The following CFAP65 variants were observed in gnomAD, a reference collection of about 807,000 sequenced individuals.
The protein encoded by CFAP65 is cilia and flagella associated protein 65.
A neutral mutation model predicts 208.0 loss-of-function variants in CFAP65; 155 were observed. The observed-to-expected ratio is 0.75, with a 90% CI of 0.65 to 0.85. The LOEUF (loss-of-function observed/expected upper bound fraction) is 0.85. Ranked by LOEUF, CFAP65 falls within the 40% of genes least tolerant of loss-of-function variation. The pLI, the probability that CFAP65 is intolerant of heterozygous loss-of-function variation, is 0.00. For missense variants in CFAP65, 2,294 were observed against 2,451.3 expected, an observed-to-expected ratio of 0.94 and a Z score of 1.36; for synonymous variants, 970 against 986.3, an observed-to-expected ratio of 0.98 and a Z score of 0.31.
In CFAP65 at chr2:219,029,390, C is replaced by T. The variant is rs1443015071; in HGVS notation, c.1650+13G>A. The T allele has an allele frequency of 2.5e-6, 4 of 1,608,664 alleles. No homozygotes were observed. The highest frequency in any genetic ancestry group is 2.7e-5 in the African/African-American group (2 of 74,848). ...CCCTCCTCCCTCAGCCTCATGCCCT[C>T]CCCACGACTCACCTGGTGGTGGATG... On this transcript the variant is annotated intron_variant, in intron 11 of 34. Coordinates refer to ENST00000341552, the MANE Select transcript of CFAP65 (RefSeq NM_194302.4).
Position 219,030,141 on chromosome 2 carries a change from G to T in CFAP65, c.1229C>A (p.Pro410His), listed in dbSNP as rs1487644078. 1 of 1,613,996 alleles carries T rather than the reference G, an allele frequency of 6.2e-7. No homozygotes were observed. Among genetic ancestry groups the T allele is most frequent in the Admixed American group, 1.7e-5 (1 of 60,008 alleles). ...ELAEDQAFSC[P>H]TAHGIVLPGE... ...CGGAAGCACGATGCCATGGGCCGTG[G>T]GGCATGAGAAGGCCTGGTCTTCGGC... is the stretch of plus-strand genomic sequence containing the variant. Residue 410 changes from proline to histidine, a missense_variant, in exon 10 of 35, where the codon CCC becomes CAC. Transcript: ENST00000341552.
At chr2:219,013,210 G>T in intron 24 of CFAP65, 49 bp downstream of exon 24, 1 of 1,263,688 alleles carries the variant, frequency 7.9e-7, no homozygotes, top group Non-Finnish European at 1.1e-6. Context: ...CATACCTAGA[G>T]ATCAACACTT....
chr2:219,014,074 A>G (rs778041511), intron 21 of CFAP65, 30 bp from the exon 22 acceptor site: 13 of 1,572,730 alleles, frequency 8.3e-6, no homozygotes, highest in Non-Finnish European at 1.0e-5. Flanking sequence ...CCATACAAAG[A>G]AACTGGTCAG....
chr2:219,038,296 C>T, intron 4 of CFAP65, 79 bp downstream of exon 4: 2 of 1,387,766 alleles, frequency 1.4e-6, no homozygotes, highest in Non-Finnish European at 1.0e-6. Context: ...TCTCAAGATT[C>T]CCACCCCACT....
At position 219,003,953 on chromosome 2, in the gene CFAP65, TTC is replaced by T. The variant is rs1408724462; in HGVS notation, c.5552_5553del (p.Arg1851LysfsTer98). 1 of 1,609,536 alleles carries T rather than the reference TTC, an allele frequency of 6.2e-7. No individual in the cohort carries two copies. ...EQEQDEKEAI[R>X]RLPAFANLQE... ...CCTCACTGGGGCCTGGCTGCTCACCTTCTGATGGCCTCCTTCTCGTCCTGTTC... is the reference window on the plus strand; with the variant it reads ...CCTCACTGGGGCCTGGCTGCTCACCTTGATGGCCTCCTTCTCGTCCTGTTC... On this transcript the variant is annotated frameshift_variant and splice_region_variant, in exon 33 of 35. Transcript: ENST00000341552. LOFTEE classifies it high-confidence loss of function. The surrounding 1 kb of genome is among the most constrained non-coding windows in gnomAD (Gnocchi z 4.4).
intron 5 of CFAP65, chr2:219,033,789 G>A (rs1273359423): frequency 6.6e-6 from 1 of 151,904 alleles, no homozygotes; most frequent in Non-Finnish European, 1.5e-5. Flanking sequence ...ATTTAACAAT[G>A]CAGTAAGGAA....
In CFAP65 at chr2:219,004,882, C is replaced by CTT. The variant is rs1265829123; in HGVS notation, c.5052-429_5052-428dup. 5.9e-5 allele frequency among the ~76,000 whole-genome samples: 8 copies of CTT among 134,498 alleles called. No homozygotes were observed. Among genetic ancestry groups the CTT allele is most frequent in the African/African-American group, 2.4e-4 (6 of 25,242 alleles). 88.2% of individuals were successfully genotyped at this position (134,498 alleles called of 152,430 possible). On this transcript the variant is annotated intron_variant, in intron 32 of 34. Transcript: ENST00000341552. This position sits in a 1 kb window ranked among gnomAD's most constrained non-coding sequence, Gnocchi z 4.7. ...GCAAAGAAGTTCTGTTTCTTTTTTT[C>CTT]TTTTCTCTCTCTCTCTATTTCTCTC...
At position 219,028,260 on chromosome 2, in the gene CFAP65, T is replaced by G; in HGVS notation, c.1792A>C (p.Met598Leu). ...TGTGCCAGCTTCTTCTCCTTCAGCA[T>G]GGCATCCAGGATGTCAGGGGGGTAG... The part of the protein sequence containing the change: ...TLYPPDILDA[M>L]LKEKKLAQDQ... The change falls in exon 12 of 35, where the codon ATG becomes CTG. Residue 598 changes from methionine (M) to leucine (L), a missense_variant. This residue lies in a region of CFAP65 where 867 missense variants were observed against 1,012.6 expected (regional missense o/e 0.86). Coordinates refer to ENST00000341552, the MANE Select transcript of CFAP65 (RefSeq NM_194302.4). 6.2e-7 allele frequency: 1 copy of G among 1,614,070 alleles called. No homozygotes were observed. The highest frequency in any genetic ancestry group is 8.5e-7 in the Non-Finnish European group (1 of 1,179,990).
intron 13 of CFAP65, chr2:219,026,678 A>C: frequency 5.9e-6 from 3 of 509,604 alleles, no homozygotes; most frequent in Non-Finnish European, 7.6e-6. Flanking sequence ...TCCAGGGTGC[A>C]TTTTACACTC....
At chr2:219,013,770 G>C in intron 22 of CFAP65, 98 bp downstream of exon 22, 2 of 1,256,614 alleles carry the variant, frequency 1.6e-6, no homozygotes, top group Non-Finnish European at 2.3e-6. Context: ...TCCTCCCAGG[G>C]AATGGCCATT....
chr2:219,028,063 GC>G, intron 12 of CFAP65, 54 bp from the exon 13 acceptor site: 1 of 1,522,628 alleles, frequency 6.6e-7, no homozygotes, highest in South Asian at 1.3e-5. Flanking sequence ...TCTTGCTGTT[GC>G]CCCTCCTGGG....
At chr2:219,011,881 A>C (rs1325017455) in intron 24 of CFAP65, among the ~76,000 whole-genome samples, 1 of 152,250 alleles carries the variant, frequency 6.6e-6, no homozygotes, top group East Asian at 1.9e-4. Flanking sequence ...GTGTCCCCAC[A>C]AAATCCATAT....
intron 11 of CFAP65, 149 bp from the exon 12 acceptor site, chr2:219,028,550 G>T: frequency 1.4e-6 from 1 of 694,092 alleles, no homozygotes; most frequent in Non-Finnish European, 2.5e-6. Context: ...CAAGCACTCA[G>T]CAGTGGTCTG....
rs1250307293 is a variant in CFAP65 at position 219,028,382 on chromosome 2, A to G, written c.1670T>C (p.Leu557Pro). 6.4e-7 allele frequency: 1 copy of G among 1,570,726 alleles called. No homozygotes were observed. ...IHHQDPLFLD[L>P]MGTCHSDSTK... Reference sequence around the variant, plus strand: ...GCTGTCCGAGTGGCAGGTCCCCATCAGGTCCAGGAACAGTGGGTCCTGTGA... The same window carrying G: ...GCTGTCCGAGTGGCAGGTCCCCATCGGGTCCAGGAACAGTGGGTCCTGTGA... Residue 557 changes from leucine to proline, a missense_variant, in exon 12 of 35, where the codon CTG (leucine) becomes CCG (proline). Coordinates refer to ENST00000341552, the MANE Select transcript of CFAP65 (RefSeq NM_194302.4).
At chr2:219,021,962 G>C (rs1947292755) in intron 17 of CFAP65, 32 bp from the exon 18 acceptor site, 3 of 1,611,282 alleles carry the variant, frequency 1.9e-6, no homozygotes, top group Non-Finnish European at 1.7e-6. Context: ...CCGGGAGTGG[G>C]AGCTCCTCCA....
At chr2:219,024,711 T>C (rs3731882) in intron 14 of CFAP65, among the ~76,000 whole-genome samples, 27,438 of 152,012 alleles carry the variant, frequency 0.18, 3,450 homozygotes, top group African/African-American at 0.37. Context: ...CTGAGGCAGG[T>C]GGATCACTTG....
chr2:219,008,066 G>A (rs557236025), intron 29 of CFAP65, among the ~76,000 whole-genome samples: 10 of 152,162 alleles, frequency 6.6e-5, no homozygotes, highest in East Asian at 5.8e-4. Flanking sequence ...TGATCTACCC[G>A]CCTTGGCCTC....
intron 16 of CFAP65, among the ~76,000 whole-genome samples, chr2:219,022,880 AC>A (rs1188483024): frequency 1.3e-5 from 2 of 151,858 alleles, no homozygotes; most frequent in African/African-American, 4.8e-5. Context: ...GCTGCAACCC[AC>A]CCTCCCAATG....
intron 21 of CFAP65, among the ~76,000 whole-genome samples, chr2:219,017,389 G>A (rs78931278): frequency 0.051 from 7,818 of 152,280 alleles, 673 homozygotes; most frequent in African/African-American, 0.18. Context: ...CCCACTTGGG[G>A]TTCCTGCCTG....
Sources: gnomAD v4.1 joint callset for allele counts (sites outside exome capture counted in the v4.1 genomes callset) on GRCh38, gnomAD v4.1.1 for gene constraint, gnomAD v4.1.1 regional missense constraint, Gnocchi (gnomAD v3.1) non-coding constraint, MANE v1.5 for transcripts, NCBI Gene and HGNC (gene_info 2026-07-23, HGNC 2026-07-21) for gene names.